Variants in CLMN observed in about 807,000 individuals in gnomAD.
The protein encoded by CLMN is calmin (calponin-like, transmembrane).
In CLMN, 57 loss-of-function variants were observed where a neutral mutation model predicts 92.7. The observed-to-expected ratio is 0.61, with a 90% confidence interval of 0.50 to 0.77. The LOEUF (loss-of-function observed/expected upper bound fraction) is 0.77, where lower values mean the gene tolerates loss of function less well. CLMN is among the 30% of genes least tolerant of loss of function. The probability of loss-of-function intolerance (pLI) is 0.00; values close to 1 mark genes in which losing one functional copy is unlikely to be tolerated. For missense variants in CLMN, 1,158 were observed against 1,237.5 expected, an observed-to-expected ratio of 0.94 and a Z score of 0.96; for synonymous variants, 466 against 470.6, an observed-to-expected ratio of 0.99 and a Z score of 0.13.
chr14:95,232,119 T>C (rs1295084786), intron 1 of CLMN, among the ~76,000 whole-genome samples: 1 of 152,270 alleles, frequency 6.6e-6, no homozygotes, highest in East Asian at 1.9e-4. Context: ...CTGAGTTCTG[T>C]GGCCTTAGCT....
chr14:95,257,717 A>C (rs1484559440), intron 1 of CLMN, among the ~76,000 whole-genome samples: 1 of 152,180 alleles, frequency 6.6e-6, no homozygotes, highest in African/African-American at 2.4e-5. Flanking sequence ...TTCTAGTAAG[A>C]CTTCCAAGTC....
rs1433456476 is a variant in CLMN at position 95,319,858 on chromosome 14, G to A, written c.-66C>T. 3 of 957,052 alleles carry A rather than the reference G, an allele frequency of 3.1e-6. No individual in the cohort carries two copies. Among genetic ancestry groups the A allele is most frequent in the Non-Finnish European group, 3.8e-6 (3 of 797,286 alleles). 59.3% of individuals were successfully genotyped at this position (957,052 alleles called of 1,614,324 possible). A position where few individuals can be genotyped will look rare whatever the true frequency, so the allele number is the denominator to read the frequency against. ...GGCGGGCGCGGAGAGCCTGGCTGGC[G>A]GGCGCGCGAGCGGCACGCACCCGGC... On this transcript the variant is annotated 5_prime_UTR_variant, in exon 1 of 13. Transcript: ENST00000298912.
intron 9 of CLMN, among the ~76,000 whole-genome samples, chr14:95,198,042 C>CTTTTTTT (rs1019598103): frequency 7.9e-4 from 55 of 69,948 alleles, no homozygotes; most frequent in African/African-American, 1.4e-3. Flanking sequence ...TTTTTTCTTT[C>CTTTTTTT]TTTTTTTTTT....
intron 1 of CLMN, among the ~76,000 whole-genome samples, chr14:95,313,436 C>T (rs575591731): frequency 1.3e-5 from 2 of 152,312 alleles, no homozygotes; most frequent in African/African-American, 4.8e-5. Context: ...TGTCTATGTG[C>T]CAATAAAACT....
At chr14:95,249,583 CTTTCCTTTTCTT>C (rs1420366350) in intron 1 of CLMN, among the ~76,000 whole-genome samples, 1 of 151,898 alleles carries the variant, frequency 6.6e-6, no homozygotes, top group African/African-American at 2.4e-5. Context: ...ATCCCAATTT[CTTTCCTTTTCTT>C]TTTCTTTTTT....
chr14:95,314,143 G>A (rs1018130817), intron 1 of CLMN, among the ~76,000 whole-genome samples: 2 of 152,208 alleles, frequency 1.3e-5, no homozygotes, highest in East Asian at 1.9e-4. Flanking sequence ...GAACACTCTC[G>A]TTCCTTGGTA....
intron 10 of CLMN, among the ~76,000 whole-genome samples, chr14:95,195,566 G>A (rs1486164056): frequency 2.0e-5 from 3 of 152,228 alleles, no homozygotes; most frequent in Admixed American, 6.5e-5. Context: ...GTTGCAGCTT[G>A]TATTACATCA....
In CLMN at chr14:95,303,040, C is replaced by T. The variant is rs530332224; in HGVS notation, c.82+16671G>A. On this transcript the variant is annotated intron_variant, in intron 1 of 12. Transcript: ENST00000298912. The stretch of plus-strand genomic sequence containing the variant: ...GAGTGTTTCCACAGTGCTCCTAGTT[C>T]CAGGTAATCCAAACCATGCAAAAAT... Among the ~76,000 whole-genome samples the T allele has an allele frequency of 2.0e-5, 3 of 152,264 alleles. No individual in the cohort carries two copies. The South Asian group carries it at 6.2e-4, about 32-fold the overall frequency.
At chr14:95,233,359 C>T (rs1402339896) in intron 1 of CLMN, among the ~76,000 whole-genome samples, 3 of 152,128 alleles carry the variant, frequency 2.0e-5, no homozygotes, top group South Asian at 4.2e-4. Context: ...ACCTACCCAT[C>T]CATCCATCCA....
intron 1 of CLMN, among the ~76,000 whole-genome samples, chr14:95,244,226 C>G (rs1898372940): frequency 6.6e-6 from 1 of 152,222 alleles, no homozygotes; most frequent in Admixed American, 6.5e-5. Flanking sequence ...CAGACTAATA[C>G]AGCTTCTCAT....
rs558914696 is a variant in CLMN at position 95,259,460 on chromosome 14, C to A, written c.83-29327G>T. 8.1e-4 allele frequency among the ~76,000 whole-genome samples: 123 copies of A among 152,236 alleles called. 1 individual carries two copies. In the South Asian group the frequency reaches 0.014, roughly 17 times the overall value. ...GCACTTTATGAGGACACGGAGGAAA[C>A]CCCCACCCACCTCTTCCTGGGCCCC... On this transcript the variant is annotated intron_variant, in intron 1 of 12. Coordinates refer to ENST00000298912, the MANE Select transcript of CLMN (RefSeq NM_024734.4). The surrounding 1 kb of genome is among the most constrained non-coding windows in gnomAD (Gnocchi z 4.3).
chr14:95,311,718 A>C (rs1398968573), intron 1 of CLMN, among the ~76,000 whole-genome samples: 1 of 152,054 alleles, frequency 6.6e-6, no homozygotes, highest in Non-Finnish European at 1.5e-5. Flanking sequence ...CGTCCTGCTG[A>C]GGAGCTTGCT....
In CLMN at chr14:95,224,667, TG is replaced by T. The variant is rs560569735; in HGVS notation, c.145-813del. ...TTTGGTCAAGCTAGCTGTTTGGTAT[TG>T]TCCTGTTTCCTGTATCCGGCCACAA... On this transcript the variant is annotated intron_variant, in intron 2 of 12. Coordinates refer to ENST00000298912, the MANE Select transcript of CLMN (RefSeq NM_024734.4). Among the ~76,000 whole-genome samples the T allele has an allele frequency of 2.1e-4, 32 of 152,306 alleles. 1 individual carries two copies. The South Asian group carries it at 6.6e-3, about 32-fold the overall frequency.
chr14:95,203,569 C>T lies in CLMN; in HGVS notation c.1780G>A (p.Asp594Asn), dbSNP rs1896952886. The T allele has an allele frequency of 1.9e-6, 3 of 1,614,166 alleles. No individual in the cohort carries two copies. The highest frequency in any genetic ancestry group is 2.5e-6 in the Non-Finnish European group (3 of 1,180,032). ...GCATGATTCTCAAAAGCCTCAGCAT[C>T]CTCGTCAGGTTTTGTCTCATGAGGT... ...PSPHETKPDE[D>N]AEAFENHAEK... The change falls in exon 9 of 13, where the codon GAT becomes AAT. Residue 594 changes from aspartate (D) to asparagine (N), a missense_variant. By Grantham distance (23) the Asp-to-Asn change is conservative. Transcript: ENST00000298912.
rs1490587046 is a variant in CLMN at position 95,213,239 on chromosome 14, C to G, written c.588G>C (p.Trp196Cys). Residue 196 changes from tryptophan to cysteine, a missense_variant, in exon 6 of 13, where the codon TGG becomes TGC. Coordinates refer to ENST00000298912, the MANE Select transcript of CLMN (RefSeq NM_024734.4). ...CTTACTTTCTCGTTTTCCTCTGCAC[C>G]CACGCCAACAGGGCCTTGATAGCCT... Reference protein sequence around the residue: ...QRKAIKALLAWVQRKTRKYGV... With the variant: ...QRKAIKALLACVQRKTRKYGV... 1 of 1,613,968 alleles carries G rather than the reference C, an allele frequency of 6.2e-7. No homozygotes were observed. Among genetic ancestry groups the G allele is most frequent in the African/African-American group, 1.3e-5 (1 of 75,024 alleles).
At chr14:95,250,297 C>T (rs557738937) in intron 1 of CLMN, among the ~76,000 whole-genome samples, 2 of 152,204 alleles carry the variant, frequency 1.3e-5, no homozygotes, top group Non-Finnish European at 2.9e-5. Flanking sequence ...TCATGTGTGA[C>T]GGTAAACAGA....
At chr14:95,196,434 A>G in intron 10 of CLMN, 64 bp downstream of exon 10, 10 of 1,501,314 alleles carry the variant, frequency 6.7e-6, no homozygotes, top group Non-Finnish European at 9.0e-6. Flanking sequence ...TCAAATCAGA[A>G]ACTGCAAATA....
Position 95,203,356 on chromosome 14 carries a change from A to C in CLMN, c.1993T>G (p.Ser665Ala). The C allele has an allele frequency of 6.2e-7, 1 of 1,613,950 alleles. No individual in the cohort carries two copies. Among genetic ancestry groups the C allele is most frequent in the South Asian group, 1.1e-5 (1 of 91,066 alleles). Residue 665 changes from serine to alanine, a missense_variant, in exon 9 of 13, where the codon TCC becomes GCC. Transcript: ENST00000298912. ...TCTTCCTCATAATGAGGACGGGTGG[A>C]CTTTCTCTTGGCCTTTTCATGCACC... is the stretch of plus-strand genomic sequence containing the variant. ...PEVHEKAKRK[S>A]TRPHYEEEGE...
At chr14:95,231,704 G>C (rs1313994909) in intron 1 of CLMN, among the ~76,000 whole-genome samples, 2 of 152,214 alleles carry the variant, frequency 1.3e-5, no homozygotes, top group Non-Finnish European at 2.9e-5. Context: ...AAGAGAGGCA[G>C]AGCTGGGAAT....
Sources: allele counts gnomAD v4.1 joint callset (sites outside exome capture counted in the v4.1 genomes callset), GRCh38; gene constraint gnomAD v4.1.1; non-coding constraint Gnocchi (gnomAD v3.1); transcripts MANE v1.5; gene names NCBI Gene and HGNC (gene_info 2026-07-23, HGNC 2026-07-21).